The following MYH4 variants were observed in gnomAD, a reference collection of about 807,000 sequenced individuals.
MYH4 encodes myosin-4.
In MYH4, 200 loss-of-function variants were observed where a neutral mutation model predicts 229.9. The observed-to-expected ratio is 0.87, with a 90% CI of 0.78 to 0.98. The LOEUF (loss-of-function observed/expected upper bound fraction) is 0.98, where lower values mean the gene tolerates loss of function less well. Among genes scored for constraint, MYH4 ranks in the 50% least tolerant of loss-of-function variants. MYH4 has a pLI of 0.00. For synonymous variants in MYH4, 761 were observed against 834.6 expected, an observed-to-expected ratio of 0.91 and a Z score of 1.52; for missense variants, 2,148 against 2,332.6, an observed-to-expected ratio of 0.92 and a Z score of 1.63.
chr17:10,465,712 T>TTTCA (rs2142233080), intron 4 of MYH4, 114 bp from the exon 5 acceptor site: 1 of 1,345,306 alleles, frequency 7.4e-7, no homozygotes, highest in African/African-American at 1.4e-5. Context: ...TCTCATAAAG[T>TTTCA]TTCATTCATT....
At position 10,463,004 on chromosome 17, in the gene MYH4, T is replaced by G. The variant is rs769211835; in HGVS notation, c.905-36A>C. On this transcript the variant is annotated intron_variant, in intron 10 of 39. Transcript: ENST00000255381. The stretch of plus-strand genomic sequence containing the variant: ...GGAAAAGAACAGTATATAGACAGCA[T>G]TGCTTTGGTCATCAAAAACATTTCA... 7 of 1,603,386 alleles carry G rather than the reference T, an allele frequency of 4.4e-6. No individual in the cohort carries two copies. The African/African-American group carries it at 9.4e-5, about 21-fold the overall frequency.
At chr17:10,447,280 C>T (rs1389651182) in intron 34 of MYH4, 64 bp from the exon 35 acceptor site, 10 of 1,386,382 alleles carry the variant, frequency 7.2e-6, no homozygotes, top group South Asian at 1.2e-5. Flanking sequence ...AACTTATGGT[C>T]ATGTACACTC....
At position 10,447,117 on chromosome 17, in the gene MYH4, C is replaced by T. The variant is rs2072520456; in HGVS notation, c.5065G>A (p.Val1689Ile). Residue 1689 changes from valine (V) to isoleucine (I), a missense_variant, in exon 35 of 40, where the codon GTT becomes ATT. Physicochemically the swap from Val to Ile is conservative, Grantham distance 29. Transcript: ENST00000255381. ...TCCAGGGATGCCCTGAGCTCTTCAA[C>T]TTCAGCCTGCATCAGGTTAGCTCTG... ...ERRANLMQAEVEELRASLERT... is the reference protein window; with the variant it reads ...ERRANLMQAEIEELRASLERT... 1 of 1,614,046 alleles carries T rather than the reference C, an allele frequency of 6.2e-7. No homozygotes were observed. Among genetic ancestry groups the T allele is most frequent in the Admixed American group, 1.7e-5 (1 of 60,002 alleles).
rs200657115 is a variant in MYH4, at chr17:10,455,593, G to A, written c.2174+21C>T. The stretch of plus-strand genomic sequence containing the variant: ...TTGTGTAGACTAAGACATTGGAAGG[G>A]AAAAATAATGAGACACAAACCTCTG... On this transcript the variant is annotated intron_variant, in intron 19 of 39. Transcript: ENST00000255381. 4 of 1,613,524 alleles carry A rather than the reference G, an allele frequency of 2.5e-6. No individual in the cohort carries two copies. The African/African-American group carries it at 4.0e-5, about 16-fold the overall frequency.
At chr17:10,453,463 T>G in intron 23 of MYH4, 135 bp from the exon 24 acceptor site, 1 of 1,555,962 alleles carries the variant, frequency 6.4e-7, no homozygotes, top group Non-Finnish European at 8.7e-7. Flanking sequence ...AGGCCTATAA[T>G]GGCTGAAAAA....
In MYH4 at chr17:10,443,439, G is replaced by T. The variant is rs200121757; in HGVS notation, c.5756C>A (p.Ser1919Tyr). The T allele has an allele frequency of 2.5e-6, 4 of 1,613,972 alleles. No individual in the cohort carries two copies. The highest frequency in any genetic ancestry group is 2.5e-6 in the Non-Finnish European group (3 of 1,179,998). The change falls in exon 40 of 40, where the codon TCC becomes TAC. Residue 1919 changes from serine (S) to tyrosine (Y), a missense_variant. Transcript: ENST00000255381. The surrounding 1 kb of genome is among the most constrained non-coding windows in gnomAD (Gnocchi z 4.6). ...CTTCACTCTCAGCTTGTTGACTTGG[G>T]ACTCAGCAATGTCAGCCCGTTCCTT... is the stretch of plus-strand genomic sequence containing the variant. ...EAKERADIAE[S>Y]QVNKLRVKSR...
chr17:10,450,034 T>C (rs1054367949), intron 30 of MYH4, among the ~76,000 whole-genome samples: 2 of 152,222 alleles, frequency 1.3e-5, no homozygotes, highest in Non-Finnish European at 2.9e-5. Flanking sequence ...AATGACAGCA[T>C]ATGACAACCT....
intron 2 of MYH4, among the ~76,000 whole-genome samples, chr17:10,467,007 C>T (rs540108171): frequency 6.6e-6 from 1 of 152,304 alleles, no homozygotes; most frequent in Admixed American, 6.5e-5. Context: ...AAGTTCCATC[C>T]TCTATGTTGT....
rs574656865 is a variant in MYH4 at position 10,452,300 on chromosome 17, C to G, written c.3379G>C (p.Glu1127Gln). Residue 1127 changes from glutamate to glutamine, a missense_variant, in exon 27 of 40, where the codon GAG becomes CAG. By Grantham distance (29) the Glu-to-Gln change is conservative (BLOSUM62 2). Coordinates refer to ENST00000255381, the MANE Select transcript of MYH4 (RefSeq NM_017533.2). ...TTGGCCCGGGAGGCCCGCTCTGCCT[C>G]GATTTCCTCCTCCAGCTCCTCAATG... ...ARIEELEEEI[E>Q]AERASRAKAE... 10 of 1,614,070 alleles carry G rather than the reference C, an allele frequency of 6.2e-6. No homozygotes were observed. The highest frequency in any genetic ancestry group is 8.5e-6 in the Non-Finnish European group (10 of 1,180,006).
In MYH4 at chr17:10,452,245, CG is replaced by C; in HGVS notation, c.3433del (p.Arg1145GlyfsTer23). 6.2e-7 allele frequency: 1 copy of C among 1,613,944 alleles called. No individual in the cohort carries two copies. The highest frequency in any genetic ancestry group is 2.2e-5 in the East Asian group (1 of 44,878). ...CCTCTCACTGATCTCCTCCAGCTCC[CG>C]GGAGAGGTCAGAGCGCTGCTTCTCT... ...KAEKQRSDLSRELEEISERLE... is the reference protein window; with the variant it reads ...KAEKQRSDLSXELEEISERLE... On this transcript the variant is annotated frameshift_variant, in exon 27 of 40. Coordinates refer to ENST00000255381, the MANE Select transcript of MYH4 (RefSeq NM_017533.2). LOFTEE classifies it high-confidence loss of function.
intron 12 of MYH4, 100 bp from the exon 13 acceptor site, chr17:10,460,421 G>C: frequency 1.0e-6 from 1 of 966,034 alleles, no homozygotes; most frequent in East Asian, 2.4e-5. Flanking sequence ...CAAAAAGTAA[G>C]ATGTGCAAAT....
Position 10,447,070 on chromosome 17 carries a change from T to A in MYH4, c.5112A>T (p.Lys1704Asn), listed in dbSNP as rs2072519884. 2 of 1,614,082 alleles carry A rather than the reference T, an allele frequency of 1.2e-6. No homozygotes were observed. Among genetic ancestry groups the A allele is most frequent in the African/African-American group, 1.3e-5 (1 of 74,950 alleles). The stretch of plus-strand genomic sequence containing the variant: ...CATCCAGAAGCTCTTGCTCTGCCAT[T>A]TTCCTGCCTCTCTCAGTCCGTTCCA... ...ASLERTERGR[K>N]MAEQELLDAS... Residue 1704 changes from lysine to asparagine, a missense_variant, in exon 35 of 40, where the codon AAA becomes AAT. Physicochemically the swap from Lys to Asn is moderately conservative, Grantham distance 94 (BLOSUM62 0). Coordinates refer to ENST00000255381, the MANE Select transcript of MYH4 (RefSeq NM_017533.2).
In MYH4 at chr17:10,443,351, C is replaced by T. The variant is rs368507980; in HGVS notation, c.*24G>A. The T allele has an allele frequency of 4.5e-5, 73 of 1,611,100 alleles. No homozygotes were observed. The highest frequency in any genetic ancestry group is 6.0e-5 in the Non-Finnish European group (71 of 1,178,662). On this transcript the variant is annotated 3_prime_UTR_variant, in exon 40 of 40. Transcript: ENST00000255381. This position sits in a 1 kb window ranked among gnomAD's most constrained non-coding sequence, Gnocchi z 4.6. ...TTCACATTTCGTGCATTTCTTTGGT[C>T]ACATTTTCTTTCATTAGAATGAATT...
At chr17:10,459,161 C>T (rs2072673238) in intron 15 of MYH4, 90 bp downstream of exon 15, 2 of 1,601,196 alleles carry the variant, frequency 1.2e-6, no homozygotes, top group Admixed American at 1.7e-5. Context: ...AACAGCACTG[C>T]TTGTTCTTTG....
rs1264912977 is a variant in MYH4, at chr17:10,450,565, C to T, written c.4069G>A (p.Ala1357Thr). ...ATTCCCCTCTGCAGCTCAGCCTTGGCTTCCTGCTCCTCCTCATACTGTTCC... is the reference window on the plus strand; with the variant it reads ...ATTCCCCTCTGCAGCTCAGCCTTGGTTTCCTGCTCCTCCTCATACTGTTCC... The part of the protein sequence containing the change: ...LREQYEEEQE[A>T]KAELQRGMSK... The change falls in exon 30 of 40, where the codon GCC becomes ACC. Residue 1357 changes from alanine to threonine, a missense_variant. By Grantham distance (58) the Ala-to-Thr change is moderately conservative. Coordinates refer to ENST00000255381, the MANE Select transcript of MYH4 (RefSeq NM_017533.2). 1.2e-6 allele frequency: 2 copies of T among 1,614,100 alleles called. No homozygotes were observed. Among genetic ancestry groups the T allele is most frequent in the Non-Finnish European group, 1.7e-6 (2 of 1,180,040 alleles).
chr17:10,449,129 G>T lies in MYH4; in HGVS notation c.4182-82C>A, dbSNP rs911442979. The T allele has an allele frequency of 5.8e-6, 7 of 1,198,254 alleles. No individual in the cohort carries two copies. In the East Asian group the frequency reaches 1.2e-4, roughly 20 times the overall value. The allele number at this position is 1,198,254 out of a possible 1,614,324, so 74.2% of individuals were successfully genotyped here. A position where few individuals can be genotyped will look rare whatever the true frequency, so the allele number is the denominator to read the frequency against. On this transcript the variant is annotated intron_variant, in intron 30 of 39. Coordinates refer to ENST00000255381, the MANE Select transcript of MYH4 (RefSeq NM_017533.2). ...CTTTATAAAGCTGCTGACTAGGAAA[G>T]CATATTTCCCCAAGAGTTGTCTACA...
At position 10,466,626 on chromosome 17, in the gene MYH4, C is replaced by T. The variant is rs1408084113; in HGVS notation, c.120G>A (p.Val40=). ...TCACGTAGGACTCCTTAGGGTCCAC[C>T]ACAAAGACTGATGTCTTGGCATCAA... ...KPFDAKTSVF[V]VDPKESYVKA... Residue 40 remains valine, a synonymous_variant, in exon 3 of 40, where the codon GTG becomes GTA. Coordinates refer to ENST00000255381, the MANE Select transcript of MYH4 (RefSeq NM_017533.2). The T allele has an allele frequency of 1.2e-6, 2 of 1,614,082 alleles. No individual in the cohort carries two copies. Among genetic ancestry groups the T allele is most frequent in the Non-Finnish European group, 8.5e-7 (1 of 1,180,026 alleles).
At position 10,453,814 on chromosome 17, in the gene MYH4, G is replaced by A. The variant is rs557736112; in HGVS notation, c.2763C>T (p.Ala921=). 8.1e-5 allele frequency: 130 copies of A among 1,613,836 alleles called. No individual in the cohort carries two copies. In the South Asian group the frequency reaches 1.4e-3, roughly 17 times the overall value. ...CTCTTTCAGTTACCTCTTTGATTTT[G>A]GCCTCAAGTTGGATTTTGGTTTTAA... ...QLIKTKIQLE[A]KIKEVTERAE... is the part of the protein sequence containing the mutation. The change falls in exon 23 of 40, where the codon GCC becomes GCT. Residue 921 remains alanine, a synonymous_variant. Coordinates refer to ENST00000255381, the MANE Select transcript of MYH4 (RefSeq NM_017533.2).
rs748830032 is a variant in MYH4, at chr17:10,466,645, G to A, written c.101C>T (p.Ala34Val). The A allele has an allele frequency of 6.2e-7, 1 of 1,614,154 alleles. No individual in the cohort carries two copies. The highest frequency in any genetic ancestry group is 2.2e-5 in the East Asian group (1 of 44,876). ...GTCCACCACAAAGACTGATGTCTTG[G>A]CATCAAAAGGCTTGTTCTGAGCTTC... is the stretch of plus-strand genomic sequence containing the variant. Reference protein sequence around the residue: ...RIEAQNKPFDAKTSVFVVDPK... With the variant: ...RIEAQNKPFDVKTSVFVVDPK... The change falls in exon 3 of 40, where the codon GCC (alanine) becomes GTC (valine). Residue 34 changes from alanine (A) to valine (V), a missense_variant. Physicochemically the swap from Ala to Val is moderately conservative, Grantham distance 64. Transcript: ENST00000255381.
Sources: gnomAD v4.1 joint callset for allele counts (sites outside exome capture counted in the v4.1 genomes callset) on GRCh38, gnomAD v4.1.1 for gene constraint, Gnocchi (gnomAD v3.1) non-coding constraint, MANE v1.5 for transcripts, NCBI Gene and HGNC (gene_info 2026-07-23, HGNC 2026-07-21) for gene names.